ASXL3: variants seen among roughly 807,000 people sequenced by gnomAD.
ASXL3 encodes the protein putative Polycomb group protein ASXL3.
In ASXL3, 34 loss-of-function variants were observed where a neutral mutation model predicts 170.6. The ratio of observed to expected loss-of-function variants is 0.20; its 90% CI spans 0.15 to 0.27. ASXL3 has a LOEUF of 0.27. Among genes scored for constraint, ASXL3 ranks in the 10% least tolerant of loss-of-function variants. The pLI is 1.00. For synonymous variants in ASXL3, 1,002 were observed against 989.1 expected, an observed-to-expected ratio of 1.01 and a Z score of -0.24; for missense variants, 2,592 against 2,695.3, an observed-to-expected ratio of 0.96 and a Z score of 0.85.
chr18:33,618,331 A>G (rs1360836831), intron 2 of ASXL3, among the ~76,000 whole-genome samples: 2 of 152,070 alleles, frequency 1.3e-5, no homozygotes, highest in Non-Finnish European at 2.9e-5. Context: ...GTGCAGTGCA[A>G]GATGTCTATA....
Position 33,745,757 on chromosome 18 carries a change from A to G in ASXL3, c.5909A>G (p.Lys1970Arg), listed in dbSNP as rs1237654623. 1 of 1,613,998 alleles carries G rather than the reference A, an allele frequency of 6.2e-7. No homozygotes were observed. The highest frequency in any genetic ancestry group is 1.7e-5 in the Admixed American group (1 of 60,024). The change falls in exon 12 of 12, where the codon AAG (lysine) becomes AGG (arginine). Residue 1970 changes from lysine to arginine, a missense_variant. Physicochemically the swap from Lys to Arg is conservative, Grantham distance 26. This residue lies in a region of ASXL3 where 2,246 missense variants were observed against 2,219.6 expected (regional missense o/e 1.01). Coordinates refer to ENST00000269197, the MANE Select transcript of ASXL3 (RefSeq NM_030632.3). ...AFAFNRHLEQ[K>R]GLGEVSLSSA... ...GCCTTCAACAGGCATCTTGAACAGA[A>G]GGGATTGGGAGAGGTTAGTCTTTCC...
rs182974241 is a variant in ASXL3 at position 33,660,641 on chromosome 18, C to T, written c.356-975C>T. On this transcript the variant is annotated intron_variant, in intron 4 of 11. Coordinates refer to ENST00000269197, the MANE Select transcript of ASXL3 (RefSeq NM_030632.3). ...ATTTTCTTCTGACTTCCTCTTGCCT[C>T]CTGCCTTTGACATATGCCTCCATTC... Among the ~76,000 whole-genome samples the T allele has an allele frequency of 3.5e-4, 54 of 152,268 alleles. 1 individual carries two copies. The highest frequency in any genetic ancestry group is 2.1e-3 in the South Asian group (10 of 4,824).
At chr18:33,687,040 T>G (rs1186710750) in intron 8 of ASXL3, among the ~76,000 whole-genome samples, 2 of 152,174 alleles carry the variant, frequency 1.3e-5, no homozygotes, top group Admixed American at 6.5e-5. Context: ...ATTCCAGACA[T>G]ATTTTCTACC....
intron 2 of ASXL3, among the ~76,000 whole-genome samples, chr18:33,644,145 T>G (rs2065884142): frequency 6.6e-6 from 1 of 151,990 alleles, no homozygotes. Context: ...TGTACTTTGA[T>G]ATTTTAAATG....
Position 33,578,678 on chromosome 18 carries a change from C to T in ASXL3, c.47C>T (p.Ala16Val). 3 of 1,339,548 alleles carry T rather than the reference C, an allele frequency of 2.2e-6. No individual in the cohort carries two copies. The highest frequency in any genetic ancestry group is 1.5e-5 in the African/African-American group (1 of 65,850). The allele number at this position is 1,339,548 out of a possible 1,614,324, so 83.0% of individuals were successfully genotyped here. Reference sequence around the variant, plus strand: ...AAGGACCGCACCTGGGCCGAGGCTGCCCGCCTGGTACGTACCGCCCCCCAC... The same window carrying T: ...AAGGACCGCACCTGGGCCGAGGCTGTCCGCCTGGTACGTACCGCCCCCCAC... Reference protein sequence around the residue: ...KKKDRTWAEAARLALEKHPNS... With the variant: ...KKKDRTWAEAVRLALEKHPNS... Residue 16 changes from alanine (A) to valine (V), a missense_variant, in exon 1 of 12, where the codon GCC (alanine) becomes GTC (valine). By Grantham distance (64) the Ala-to-Val change is moderately conservative (BLOSUM62 0). Around this residue, in one of 4 missense-constraint regions of ASXL3, gnomAD observed 251 missense variants for 281.9 expected, o/e 0.89. Transcript: ENST00000269197.
intron 1 of ASXL3, among the ~76,000 whole-genome samples, chr18:33,586,667 C>A (rs2065037518): frequency 6.6e-6 from 1 of 152,046 alleles, no homozygotes; most frequent in South Asian, 2.1e-4. Context: ...TCTCGTCGCC[C>A]CACACCCTTG....
At chr18:33,639,363 A>C (rs1887336010) in intron 2 of ASXL3, among the ~76,000 whole-genome samples, 1 of 152,096 alleles carries the variant, frequency 6.6e-6, no homozygotes, top group Non-Finnish European at 1.5e-5. Context: ...CAGAGCCCAC[A>C]GTCTTCCTCG....
chr18:33,615,318 C>A (rs537337764), intron 2 of ASXL3, among the ~76,000 whole-genome samples: 49 of 152,246 alleles, frequency 3.2e-4, no homozygotes, highest in Admixed American at 3.2e-3. Flanking sequence ...TCTAACTTTT[C>A]TTCTGCGGCT....
Position 33,732,062 on chromosome 18 carries a change from A to G in ASXL3, c.974A>G (p.Glu325Gly), listed in dbSNP as rs2067458524. The G allele has an allele frequency of 1.9e-6, 3 of 1,611,008 alleles. No homozygotes were observed. The South Asian group carries it at 3.3e-5, about 18-fold the overall frequency. ...CAAGGGTGGAAACAGCGACTGGCAG[A>G]AGGTAAATTTGTATTTTCTATTATT... is the stretch of plus-strand genomic sequence containing the variant. ...AAQGWKQRLAEGEFTPEMQLR... is the reference protein window; with the variant it reads ...AAQGWKQRLAGGEFTPEMQLR... Residue 325 changes from glutamate (E) to glycine (G), a missense_variant and splice_region_variant, in exon 9 of 12, where the codon GAA (glutamate) becomes GGA (glycine). This residue lies in a region of ASXL3 where 73 missense variants were observed against 142.7 expected (regional missense o/e 0.51). Transcript: ENST00000269197.
At chr18:33,733,908 A>G (rs2145401183) in intron 9 of ASXL3, among the ~76,000 whole-genome samples, 1 of 152,142 alleles carries the variant, frequency 6.6e-6, no homozygotes, top group Non-Finnish European at 1.5e-5. Context: ...TCTATATTTC[A>G]CTACATTTAT....
chr18:33,589,704 GTA>G (rs2065062091), intron 1 of ASXL3, among the ~76,000 whole-genome samples: 1 of 152,050 alleles, frequency 6.6e-6, no homozygotes, highest in Non-Finnish European at 1.5e-5. Context: ...CCTTTTAAGA[GTA>G]TAGGAATTTT....
intron 1 of ASXL3, among the ~76,000 whole-genome samples, chr18:33,597,242 C>T (rs902929684): frequency 2.0e-5 from 3 of 151,790 alleles, no homozygotes; most frequent in Non-Finnish European, 2.9e-5. Flanking sequence ...TTTTATATGG[C>T]GGGGATGTGG....
chr18:33,688,735 G>A (rs1204926852), intron 8 of ASXL3, among the ~76,000 whole-genome samples: 2 of 152,182 alleles, frequency 1.3e-5, no homozygotes, highest in Non-Finnish European at 2.9e-5. Context: ...GGAAGTCACT[G>A]GAGACTAAGT....
intron 10 of ASXL3, among the ~76,000 whole-genome samples, 163 bp downstream of exon 10, chr18:33,734,578 C>T (rs1035532319): frequency 1.3e-5 from 2 of 152,106 alleles, no homozygotes; most frequent in African/African-American, 4.8e-5. Flanking sequence ...AGTGGGATAT[C>T]AGCACTCAAA....
intron 5 of ASXL3, 84 bp downstream of exon 5, chr18:33,661,821 C>T: frequency 2.1e-6 from 3 of 1,402,004 alleles, no homozygotes; most frequent in Non-Finnish European, 2.9e-6. Context: ...TAAACAATAA[C>T]CTAGCAATCA....
At position 33,670,674 on chromosome 18, in the gene ASXL3, C is replaced by G; in HGVS notation, c.479C>G (p.Ala160Gly). Residue 160 changes from alanine (A) to glycine (G), a missense_variant and splice_region_variant, in exon 6 of 12, where the codon GCT becomes GGT. Around this residue, in one of 4 missense-constraint regions of ASXL3, gnomAD observed 251 missense variants for 281.9 expected, o/e 0.89. Transcript: ENST00000269197. Reference protein sequence around the residue: ...QQHTKKALKQALRQQQKRRNG... With the variant: ...QQHTKKALKQGLRQQQKRRNG... ...ATATCTTTTTATTATGTTTTGTAGGCTTTGAGGCAGCAGCAGAAAAGAAGA... is the reference window on the plus strand; with the variant it reads ...ATATCTTTTTATTATGTTTTGTAGGGTTTGAGGCAGCAGCAGAAAAGAAGA... 6 of 1,549,022 alleles carry G rather than the reference C, an allele frequency of 3.9e-6. No homozygotes were observed. Among genetic ancestry groups the G allele is most frequent in the Non-Finnish European group, 5.2e-6 (6 of 1,145,292 alleles).
At chr18:33,660,490 T>C (rs2066155113) in intron 4 of ASXL3, among the ~76,000 whole-genome samples, 1 of 152,114 alleles carries the variant, frequency 6.6e-6, no homozygotes, top group Non-Finnish European at 1.5e-5. Flanking sequence ...TTCTTCACCT[T>C]CTTTTAAAAC....
chr18:33,745,784 C>G lies in ASXL3; in HGVS notation c.5936C>G (p.Ser1979Ter). 6.2e-7 allele frequency: 1 copy of G among 1,614,002 alleles called. No homozygotes were observed. The highest frequency in any genetic ancestry group is 8.5e-7 in the Non-Finnish European group (1 of 1,179,878). Residue 1979 changes from serine (S) to a stop codon, truncating the protein, a stop_gained, in exon 12 of 12, where the codon TCA becomes TGA. Coordinates refer to ENST00000269197, the MANE Select transcript of ASXL3 (RefSeq NM_030632.3). LOFTEE classifies it high-confidence loss of function. ...QKGLGEVSLSSAPHQLRLANM... is the reference protein window; with the variant it reads ...QKGLGEVSLS ...GGATTGGGAGAGGTTAGTCTTTCCT[C>G]AGCACCTCACCAGCTAAGGTTAGCC...
At chr18:33,641,921 A>G (rs1472329251) in intron 2 of ASXL3, 1 of 152,404 alleles carries the variant, frequency 6.6e-6, no homozygotes. Context: ...TCAAACTTCT[A>G]AATTCCGACT....
Sources: gnomAD v4.1 joint callset for allele counts (sites outside exome capture counted in the v4.1 genomes callset) on GRCh38, gnomAD v4.1.1 for gene constraint, gnomAD v4.1.1 regional missense constraint, MANE v1.5 for transcripts, NCBI Gene and HGNC (gene_info 2026-07-23, HGNC 2026-07-21) for gene names.